Variants in LINGO2 observed in about 807,000 individuals in gnomAD.
The protein encoded by LINGO2 is leucine-rich repeat and immunoglobulin-like domain-containing nogo receptor-interacting protein 2.
LINGO2 carries 14 observed loss-of-function variants against 30.6 expected under a neutral mutation model. The ratio of observed to expected loss-of-function variants is 0.46; its 90% CI spans 0.30 to 0.72. The LOEUF (loss-of-function observed/expected upper bound fraction) is 0.72. Among genes scored for constraint, LINGO2 ranks in the 30% least tolerant of loss-of-function variants. The pLI is 0.07. For synonymous variants in LINGO2, 317 were observed against 288.5 expected, an observed-to-expected ratio of 1.10 and a Z score of -1.00; for missense variants, 729 against 751.7, an observed-to-expected ratio of 0.97 and a Z score of 0.35.
At chr9:28,092,366 A>G (rs1166744616) in intron 4 of LINGO2, among the ~76,000 whole-genome samples, 1 of 152,114 alleles carries the variant, frequency 6.6e-6, no homozygotes, top group African/African-American at 2.4e-5. Context: ...CTATGCAGCC[A>G]TAAAAAATGA....
chr9:29,095,224 GAA>G, the LINGO2 span, among the ~76,000 whole-genome samples: 463 of 138,234 alleles, frequency 3.3e-3, 92 homozygotes, highest in African/African-American at 0.012. Flanking sequence ...GGACTAAAAG[GAA>G]AAAGAGGGTA....
the LINGO2 span, among the ~76,000 whole-genome samples, chr9:28,985,281 T>G: frequency 1.3e-5 from 2 of 152,240 alleles, no homozygotes; most frequent in South Asian, 2.1e-4. Context: ...TGATGAACAC[T>G]TAGGTTGATT....
chr9:28,851,420 G>A, the LINGO2 span, among the ~76,000 whole-genome samples: 1 of 152,020 alleles, frequency 6.6e-6, no homozygotes. Flanking sequence ...CTAATTTTAA[G>A]GGTCCCTGTG....
At chr9:28,282,132 G>C (rs1455947091) in intron 4 of LINGO2, among the ~76,000 whole-genome samples, 1 of 152,058 alleles carries the variant, frequency 6.6e-6, no homozygotes, top group Non-Finnish European at 1.5e-5. Context: ...GATACTAAAT[G>C]CAATTACGTT....
intron 4 of LINGO2, among the ~76,000 whole-genome samples, chr9:28,150,839 ATAGT>A (rs2133553492): frequency 6.6e-6 from 1 of 152,362 alleles, no homozygotes; most frequent in East Asian, 1.9e-4. Flanking sequence ...GGCGGTCGCC[ATAGT>A]TAGTCGCTTC....
At chr9:28,813,069 T>TAA in the LINGO2 span, among the ~76,000 whole-genome samples, 89 of 144,204 alleles carry the variant, frequency 6.2e-4, no homozygotes, top group South Asian at 2.5e-3. Flanking sequence ...CCTACTGCAG[T>TAA]AAAAAAAAAA....
At chr9:29,173,924 G>A in the LINGO2 span, among the ~76,000 whole-genome samples, 40 of 151,996 alleles carry the variant, frequency 2.6e-4, no homozygotes, top group Non-Finnish European at 5.0e-4. Context: ...GACTATTCAT[G>A]TTTTGCCATT....
chr9:28,232,515 C>A (rs1343628672), intron 4 of LINGO2, among the ~76,000 whole-genome samples: 1 of 148,998 alleles, frequency 6.7e-6, no homozygotes, highest in Non-Finnish European at 1.5e-5. Flanking sequence ...TTACTGTATA[C>A]AATATGATGT....
Position 28,521,084 on chromosome 9 carries a change from G to A in LINGO2, c.-364-45059C>T, listed in dbSNP as rs1355853311. ...CTTTGAGAGTTTTAGGCCCAGTAGA[G>A]CCTAAAATTGGAGGGAATACTAATC... is the stretch of plus-strand genomic sequence containing the variant. On this transcript the variant is annotated intron_variant, in intron 1 of 5. Coordinates refer to ENST00000379992, the Ensembl canonical transcript of LINGO2. Among the ~76,000 whole-genome samples, 3 of 152,070 alleles carry A rather than the reference G, an allele frequency of 2.0e-5. No individual in the cohort carries two copies. In the South Asian group the frequency reaches 6.2e-4, roughly 32 times the overall value.
the LINGO2 span, among the ~76,000 whole-genome samples, chr9:28,869,612 T>C: frequency 6.6e-6 from 1 of 152,040 alleles, no homozygotes. Flanking sequence ...TGGTTTGAAC[T>C]GTGTGGTAGA....
At chr9:28,263,425 A>G (rs185613240) in intron 4 of LINGO2, among the ~76,000 whole-genome samples, 2 of 152,110 alleles carry the variant, frequency 1.3e-5, no homozygotes, top group East Asian at 1.9e-4. Context: ...CACTCACACT[A>G]AAGAAGAGAG....
intron 4 of LINGO2, among the ~76,000 whole-genome samples, chr9:28,122,687 G>A (rs78447168): frequency 6.6e-6 from 1 of 152,128 alleles, no homozygotes; most frequent in Non-Finnish European, 1.5e-5. Context: ...CCAGGATGAT[G>A]GTGACTTAGA....
the LINGO2 span, among the ~76,000 whole-genome samples, chr9:28,694,229 A>C: frequency 1.3e-5 from 2 of 151,920 alleles, no homozygotes; most frequent in African/African-American, 2.4e-5. Flanking sequence ...TCAATTTTCT[A>C]TTAATCTAAT....
intron 3 of LINGO2, among the ~76,000 whole-genome samples, chr9:28,359,501 A>T (rs539067833): frequency 6.6e-6 from 1 of 152,316 alleles, no homozygotes; most frequent in Non-Finnish European, 1.5e-5. Context: ...TTACAAAAAC[A>T]CATGAAACAA....
intron 1 of LINGO2, among the ~76,000 whole-genome samples, chr9:28,478,668 T>A (rs1292187442): frequency 6.6e-6 from 1 of 152,120 alleles, no homozygotes; most frequent in Non-Finnish European, 1.5e-5. Context: ...ACGTACATTT[T>A]CCTCTTCAGA....
chr9:28,954,549 C>T, the LINGO2 span, among the ~76,000 whole-genome samples: 1 of 152,074 alleles, frequency 6.6e-6, no homozygotes, highest in African/African-American at 2.4e-5. Context: ...CTGGTGTTGC[C>T]AGATTGAATT....
At chr9:27,954,841 G>A (rs894650590) in intron 5 of LINGO2, among the ~76,000 whole-genome samples, 2 of 152,110 alleles carry the variant, frequency 1.3e-5, no homozygotes, top group African/African-American at 4.8e-5. Flanking sequence ...TTACCATAGT[G>A]GCTGTAGTAG....
intron 1 of LINGO2, among the ~76,000 whole-genome samples, chr9:28,666,637 C>T (rs890253408): frequency 6.6e-6 from 1 of 152,104 alleles, no homozygotes; most frequent in Non-Finnish European, 1.5e-5. Context: ...GTACTATAAG[C>T]CTCAATGGCA....
intron 4 of LINGO2, among the ~76,000 whole-genome samples, chr9:28,111,853 T>C (rs1049296280): frequency 5.9e-5 from 9 of 152,164 alleles, no homozygotes; most frequent in Non-Finnish European, 1.2e-4. Context: ...TCACTATATA[T>C]GAAGGTGATA....
Sources: allele counts gnomAD v4.1 joint callset (sites outside exome capture counted in the v4.1 genomes callset), GRCh38; gene constraint gnomAD v4.1.1; transcripts MANE v1.5; gene names NCBI Gene and HGNC (gene_info 2026-07-23, HGNC 2026-07-21).